The following PREP variants were observed in gnomAD, a reference collection of about 807,000 sequenced individuals.
PREP encodes dJ355L5.1 (prolyl endopeptidase).
Under a neutral mutation model 87.6 loss-of-function variants are expected in PREP, and 29 were observed. The observed-to-expected ratio is 0.33, with a 90% CI of 0.25 to 0.45. PREP has a LOEUF of 0.45. Among genes scored for constraint, PREP ranks in the 20% least tolerant of loss-of-function variants. The pLI is 1.00. For synonymous variants in PREP, 337 were observed against 328.6 expected (o/e 1.03, Z -0.28); for missense variants, 695 against 886.5 (o/e 0.78, Z 2.74).
chr6:105,378,502 CAGA>C (rs1254533814), intron 2 of PREP, among the ~76,000 whole-genome samples: 1 of 152,076 alleles, frequency 6.6e-6, no homozygotes, highest in Non-Finnish European at 1.5e-5. Context: ...AGTGGCATTG[CAGA>C]AGAATATCAG....
chr6:105,307,894 T>C (rs1325928969), intron 10 of PREP, among the ~76,000 whole-genome samples: 1 of 152,182 alleles, frequency 6.6e-6, no homozygotes, highest in African/African-American at 2.4e-5. Context: ...ATTACAGGTG[T>C]GAGCCACTGC....
At position 105,285,518 on chromosome 6, in the gene PREP, CCT is replaced by C. The variant is rs1770173376; in HGVS notation, c.1515_1516del (p.Gly506ArgfsTer10). 6.2e-7 allele frequency: 1 copy of C among 1,614,078 alleles called. No homozygotes were observed. Among genetic ancestry groups the C allele is most frequent in the Non-Finnish European group, 8.5e-7 (1 of 1,179,946 alleles). The stretch of plus-strand genomic sequence containing the variant: ...CCACGTCTCTCCATATTCGCCACCT[CCT>C]CTGATGTTGGCCACTGCCAGGATAC... On this transcript the variant is annotated frameshift_variant, in exon 12 of 15. Transcript: ENST00000652536. LOFTEE classifies it high-confidence loss of function.
At chr6:105,386,388 T>C (rs957704888) in intron 2 of PREP, among the ~76,000 whole-genome samples, 8 of 152,202 alleles carry the variant, frequency 5.3e-5, no homozygotes, top group African/African-American at 1.9e-4. Flanking sequence ...CAGGGAGGTG[T>C]TGGCACAGAC....
rs967935731 is a variant in PREP, at chr6:105,278,530, C to T, written c.1839-92G>A. The T allele has an allele frequency of 1.2e-5, 16 of 1,310,994 alleles. No homozygotes were observed. Among genetic ancestry groups the T allele is most frequent in the South Asian group, 8.3e-5 (6 of 71,948 alleles). The allele number at this position is 1,310,994 out of a possible 1,614,324, so 81.2% of individuals were successfully genotyped here. A position where few individuals can be genotyped will look rare whatever the true frequency, so the allele number is the denominator to read the frequency against. ...GGTAGTTAATTAGCAGTGAGGACTG[C>T]AGTTAACTAGTACGTGAGTGACCAC... On this transcript the variant is annotated intron_variant, in intron 14 of 14. Coordinates refer to ENST00000652536, the MANE Select transcript of PREP (RefSeq NM_002726.5). This position sits in a 1 kb window ranked among gnomAD's most constrained non-coding sequence, Gnocchi z 4.2.
intron 2 of PREP, among the ~76,000 whole-genome samples, chr6:105,381,584 G>A (rs1244843878): frequency 6.6e-6 from 1 of 152,284 alleles, no homozygotes; most frequent in East Asian, 1.9e-4. Flanking sequence ...TAAAATAACT[G>A]AAATATGAAA....
intron 6 of PREP, among the ~76,000 whole-genome samples, chr6:105,364,752 A>G (rs1352011305): frequency 6.6e-6 from 1 of 152,352 alleles, no homozygotes; most frequent in East Asian, 1.9e-4. Context: ...TGACTTGCCC[A>G]AGGCCACAGA....
intron 9 of PREP, among the ~76,000 whole-genome samples, chr6:105,328,175 A>T (rs529394635): frequency 1.3e-5 from 2 of 152,320 alleles, no homozygotes; most frequent in South Asian, 2.1e-4. Flanking sequence ...TGTCAGATGT[A>T]GCTAAAGATT....
intron 2 of PREP, among the ~76,000 whole-genome samples, chr6:105,391,520 C>T (rs891575378): frequency 6.6e-6 from 1 of 152,180 alleles, no homozygotes; most frequent in Non-Finnish European, 1.5e-5. Context: ...CTGTGCCTAG[C>T]CTGATTTCTG....
intron 5 of PREP, 148 bp downstream of exon 5, chr6:105,373,221 C>G (rs1772601701): frequency 2.3e-6 from 2 of 867,740 alleles, no homozygotes; most frequent in Admixed American, 2.4e-5. Context: ...GGGTCTATTA[C>G]ACAGCAAAGC....
At position 105,278,219 on chromosome 6, in the gene PREP, T is replaced by G; in HGVS notation, c.2058A>C (p.Thr686=). The G allele has an allele frequency of 6.2e-7, 1 of 1,614,234 alleles. No individual in the cohort carries two copies. The highest frequency in any genetic ancestry group is 8.5e-7 in the Non-Finnish European group (1 of 1,180,048). Residue 686 remains threonine (T), a synonymous_variant, in exon 15 of 15, where the codon ACA becomes ACC. Transcript: ENST00000652536. The surrounding 1 kb of genome is among the most constrained non-coding windows in gnomAD (Gnocchi z 4.2). ...TKAGHGAGKP[T]AKVIEEVSDM... is the part of the protein sequence containing the mutation. ...CTGAGACTTCCTCTATCACTTTGGC[T>G]GTGGGCTTCCCCGCCCCGTGGCCCG...
At chr6:105,294,638 C>T (rs1770370278) in intron 10 of PREP, among the ~76,000 whole-genome samples, 1 of 152,110 alleles carries the variant, frequency 6.6e-6, no homozygotes, top group African/African-American at 2.4e-5. Context: ...CTGCATAATC[C>T]CTGCCCTCAT....
intron 7 of PREP, among the ~76,000 whole-genome samples, chr6:105,342,112 G>A (rs988561748): frequency 6.6e-6 from 1 of 152,210 alleles, no homozygotes; most frequent in Admixed American, 6.5e-5. Flanking sequence ...TATCCCTGAT[G>A]AACATCGATG....
chr6:105,314,691 T>C (rs950941516), intron 10 of PREP, among the ~76,000 whole-genome samples: 2 of 152,228 alleles, frequency 1.3e-5, no homozygotes, highest in African/African-American at 4.8e-5. Context: ...ATAGAGGTCC[T>C]GAATCCCTCA....
chr6:105,304,626 T>C (rs916601650), intron 10 of PREP, among the ~76,000 whole-genome samples: 6 of 152,128 alleles, frequency 3.9e-5, no homozygotes, highest in Non-Finnish European at 7.3e-5. Flanking sequence ...TGCCTCTGTA[T>C]CCAGCAAGGT....
intron 9 of PREP, 110 bp from the exon 10 acceptor site, chr6:105,323,878 A>T: frequency 2.2e-6 from 2 of 925,058 alleles, no homozygotes; most frequent in Non-Finnish European, 3.4e-6. Context: ...AGGATCATTT[A>T]TCAGGGACTT....
chr6:105,335,128 G>T (rs916694334), intron 7 of PREP, among the ~76,000 whole-genome samples: 1 of 152,082 alleles, frequency 6.6e-6, no homozygotes, highest in Non-Finnish European at 1.5e-5. Context: ...CTCACTAAAT[G>T]CCACTTTTAA....
In PREP at chr6:105,282,519, A is replaced by G. The variant is rs201312087; in HGVS notation, c.1613T>C (p.Ile538Thr). ...DDFQCAAEYL[I>T]KEGYTSPKRL... is the part of the protein sequence containing the mutation. The stretch of plus-strand genomic sequence containing the variant: ...CTTGGGAGATGTGTAACCTTCCTTG[A>G]TCAGATACTCAGCAGCACACTGAAA... Residue 538 changes from isoleucine to threonine, a missense_variant, in exon 13 of 15, where the codon ATC becomes ACC. Coordinates refer to ENST00000652536, the MANE Select transcript of PREP (RefSeq NM_002726.5). 1.5e-5 allele frequency: 25 copies of G among 1,614,192 alleles called. 1 individual carries two copies. The Admixed American group carries it at 3.3e-4, about 22-fold the overall frequency.
chr6:105,286,341 A>C (rs1562186965), intron 11 of PREP, among the ~76,000 whole-genome samples: 1 of 152,160 alleles, frequency 6.6e-6, no homozygotes, highest in Non-Finnish European at 1.5e-5. Context: ...GTTCTACAGA[A>C]ATTTCTATGG....
intron 1 of PREP, among the ~76,000 whole-genome samples, chr6:105,398,173 C>T (rs1442629676): frequency 6.6e-6 from 1 of 152,164 alleles, no homozygotes; most frequent in African/African-American, 2.4e-5. Context: ...GAACAGGAAA[C>T]CGCTCTGTCC....
Sources: allele counts gnomAD v4.1 joint callset (sites outside exome capture counted in the v4.1 genomes callset), GRCh38; gene constraint gnomAD v4.1.1; non-coding constraint Gnocchi (gnomAD v3.1); transcripts MANE v1.5; gene names NCBI Gene and HGNC (gene_info 2026-07-23, HGNC 2026-07-21).